ESF1: variants seen among roughly 807,000 people sequenced by gnomAD.
ESF1 encodes ESF1 nucleolar pre-rRNA processing protein, also known as ESF1 homolog.
ESF1 carries 58 observed loss-of-function variants against 92.0 expected under a neutral mutation model. The ratio of observed to expected loss-of-function variants is 0.63; its 90% CI spans 0.51 to 0.78. The LOEUF (loss-of-function observed/expected upper bound fraction) is 0.78. Among genes scored for constraint, ESF1 ranks in the 30% least tolerant of loss-of-function variants. The pLI is 0.00. For missense variants in ESF1, 922 were observed against 989.1 expected (o/e 0.93, Z 0.91); for synonymous variants, 321 against 313.7 (o/e 1.02, Z -0.24).
intron 11 of ESF1, among the ~76,000 whole-genome samples, chr20:13,722,352 G>A (rs1282818741): frequency 6.6e-6 from 1 of 152,110 alleles, no homozygotes; most frequent in Non-Finnish European, 1.5e-5. Flanking sequence ...ATTGTTTAGT[G>A]AAAAGATAAA....
rs1190860613 is a variant in ESF1 at position 13,748,557 on chromosome 20, T to C, written c.1828+11135A>G. On this transcript the variant is annotated intron_variant, in intron 9 of 13. Coordinates refer to ENST00000617257, the MANE Select transcript of ESF1 (RefSeq NM_001276380.2). ...ACATATATATGTGTGTGTATATATA[T>C]ATATATATGTGTGTGTGTATATATA... Among the ~76,000 whole-genome samples, 349 of 53,652 alleles carry C rather than the reference T, an allele frequency of 6.5e-3. 3 individuals are homozygous for C. Among genetic ancestry groups the C allele is most frequent in the African/African-American group, 0.025 (317 of 12,458 alleles). The allele number at this position is 53,652 out of a possible 152,430, so 35.2% of individuals were successfully genotyped here.
Position 13,766,821 on chromosome 20 carries a change from G to GCTA in ESF1, c.1619_1621dup (p.Leu540_Ala541insVal), listed in dbSNP as rs1446974221. ...CTCCTCTTCATCTTCACTAGAGGAA[G>GCTA]CTAAGTAGGCTTGAAAATCCATGTC... is the stretch of plus-strand genomic sequence containing the variant. On this transcript the variant is annotated inframe_insertion, in exon 8 of 14. Coordinates refer to ENST00000617257, the MANE Select transcript of ESF1 (RefSeq NM_001276380.2). 5 of 1,613,704 alleles carry GCTA rather than the reference G, an allele frequency of 3.1e-6. No homozygotes were observed. In the African/African-American group the frequency reaches 6.7e-5, roughly 22 times the overall value.
intron 13 of ESF1, 26 bp from the exon 14 acceptor site, chr20:13,715,193 T>G: frequency 7.0e-7 from 1 of 1,434,126 alleles, no homozygotes; most frequent in Middle Eastern, 2.5e-4. Flanking sequence ...AAAAAAAAAT[T>G]AATAAATTAA....
intron 9 of ESF1, among the ~76,000 whole-genome samples, chr20:13,757,785 C>A (rs887549175): frequency 9.2e-5 from 14 of 152,186 alleles, no homozygotes; most frequent in Non-Finnish European, 1.8e-4. Context: ...TACCTTACAA[C>A]TGGCATTATA....
chr20:13,784,885 G>T lies in ESF1; in HGVS notation c.-49C>A, dbSNP rs1980615355. 2 of 612,280 alleles carry T rather than the reference G, an allele frequency of 3.3e-6. No homozygotes were observed. The highest frequency in any genetic ancestry group is 2.0e-5 in the South Asian group (1 of 50,954). 37.9% of individuals were successfully genotyped at this position (612,280 alleles called of 1,614,324 possible). On this transcript the variant is annotated 5_prime_UTR_variant, in exon 1 of 14. Coordinates refer to ENST00000617257, the MANE Select transcript of ESF1 (RefSeq NM_001276380.2). ...TCCAGTCCATCCCCACTCACCGTCC[G>T]CAGTCCTACCAAGCCTCACGTGGGG...
In ESF1 at chr20:13,776,251, T is replaced by C. The variant is rs758479784; in HGVS notation, c.657A>G (p.Thr219=). The C allele has an allele frequency of 3.1e-6, 5 of 1,612,494 alleles. No individual in the cohort carries two copies. In the African/African-American group the frequency reaches 4.0e-5, roughly 13 times the overall value. Residue 219 remains threonine (T), a synonymous_variant, in exon 3 of 14, where the codon ACA becomes ACG. Transcript: ENST00000617257. ...AGTTTTCATAACCATCACTGTCTCT[T>C]GTCATTATGAGTTGAACCACTGCAA... ...EMQSVVQLIM[T]RDSDGYENST... is the part of the protein sequence containing the mutation.
chr20:13,721,130 AAAAAG>A (rs1211850586), intron 11 of ESF1, among the ~76,000 whole-genome samples: 4 of 152,350 alleles, frequency 2.6e-5, no homozygotes, highest in East Asian at 1.9e-4. Context: ...CTCGATAAAA[AAAAAG>A]AAAAGAAATG....
At chr20:13,772,079 A>G (rs371503415) in intron 5 of ESF1, among the ~76,000 whole-genome samples, 2 of 151,510 alleles carry the variant, frequency 1.3e-5, no homozygotes, top group East Asian at 3.9e-4. Flanking sequence ...ATTATTTTCT[A>G]TATTGCACCA....
chr20:13,766,986 A>G, intron 7 of ESF1, 62 bp from the exon 8 acceptor site: 4 of 1,529,154 alleles, frequency 2.6e-6, no homozygotes, highest in Non-Finnish European at 3.6e-6. Context: ...CAAACTTGTT[A>G]AAGAATATAT....
chr20:13,745,406 T>C (rs1426987930), intron 9 of ESF1, among the ~76,000 whole-genome samples: 1 of 152,236 alleles, frequency 6.6e-6, no homozygotes, highest in Non-Finnish European at 1.5e-5. Flanking sequence ...ATGAACCATA[T>C]ACACATATAT....
intron 11 of ESF1, among the ~76,000 whole-genome samples, chr20:13,722,950 C>T (rs925270885): frequency 4.6e-5 from 7 of 152,022 alleles, no homozygotes; most frequent in African/African-American, 7.2e-5. Context: ...ACAGAGACTC[C>T]GAGTCAGATA....
chr20:13,760,439 C>T (rs1372263185), intron 8 of ESF1, among the ~76,000 whole-genome samples: 46 of 146,860 alleles, frequency 3.1e-4, no homozygotes, highest in African/African-American at 1.1e-3. Flanking sequence ...CGCCTCTGCC[C>T]GGCCGCGACC....
chr20:13,715,290 T>C (rs2049816936), intron 13 of ESF1, 123 bp from the exon 14 acceptor site: 4 of 900,326 alleles, frequency 4.4e-6, no homozygotes, highest in Admixed American at 7.0e-5. Context: ...CAAACCTGAG[T>C]GTTTGTACTG....
intron 9 of ESF1, 104 bp downstream of exon 9, chr20:13,759,585 TATG>T: frequency 7.1e-7 from 1 of 1,418,088 alleles, no homozygotes; most frequent in Non-Finnish European, 9.3e-7. Flanking sequence ...TGTATGCAAA[TATG>T]ATGTTAAGGT....
chr20:13,756,983 A>G (rs762705341), intron 9 of ESF1, among the ~76,000 whole-genome samples: 38 of 151,374 alleles, frequency 2.5e-4, no homozygotes, highest in Non-Finnish European at 3.7e-4. Context: ...GATCTGTCCT[A>G]TTTTTTTTTC....
Position 13,715,089 on chromosome 20 carries a change from T to C in ESF1, c.2341A>G (p.Lys781Glu). Reference sequence around the variant, plus strand: ...ATTTTTTCCATAGCTTTTGTTTTCTTGAAATTGGGATCTGAGGGGTCCAAA... The same window carrying C: ...ATTTTTTCCATAGCTTTTGTTTTCTCGAAATTGGGATCTGAGGGGTCCAAA... ...FNLDPSDPNF[K>E]KTKAMEKILE... is the part of the protein sequence containing the mutation. Residue 781 changes from lysine (K) to glutamate (E), a missense_variant, in exon 14 of 14, where the codon AAG becomes GAG. Transcript: ENST00000617257. The C allele has an allele frequency of 6.2e-7, 1 of 1,613,930 alleles. No individual in the cohort carries two copies. The highest frequency in any genetic ancestry group is 8.5e-7 in the Non-Finnish European group (1 of 1,179,992).
chr20:13,745,104 T>C (rs1228092895), intron 9 of ESF1, among the ~76,000 whole-genome samples: 1 of 152,194 alleles, frequency 6.6e-6, no homozygotes, highest in East Asian at 1.9e-4. Flanking sequence ...AAAAGCCTGA[T>C]AATATCAGTT....
At position 13,772,407 on chromosome 20, in the gene ESF1, G is replaced by A. The variant is rs942919997; in HGVS notation, c.1250+108C>T. The A allele has an allele frequency of 1.0e-5, 8 of 777,048 alleles. No homozygotes were observed. In the Admixed American group the frequency reaches 1.1e-4, roughly 10 times the overall value. 48.1% of individuals were successfully genotyped at this position (777,048 alleles called of 1,614,324 possible). ...CTGTTTTGCAACCTGTTTTAACCACGAATGGCACAAGTATAAACTTTAGTT... is the reference window on the plus strand; with the variant it reads ...CTGTTTTGCAACCTGTTTTAACCACAAATGGCACAAGTATAAACTTTAGTT... On this transcript the variant is annotated intron_variant, in intron 5 of 13. Transcript: ENST00000617257.
At position 13,784,910 on chromosome 20, in the gene ESF1, G is replaced by A. The variant is rs1213875366; in HGVS notation, c.-74C>T. 10 of 666,214 alleles carry A rather than the reference G, an allele frequency of 1.5e-5. No individual in the cohort carries two copies. The highest frequency in any genetic ancestry group is 2.6e-5 in the Admixed American group (1 of 37,920). The allele number at this position is 666,214 out of a possible 1,614,324, so 41.3% of individuals were successfully genotyped here. A position where few individuals can be genotyped will look rare whatever the true frequency, so the allele number is the denominator to read the frequency against. On this transcript the variant is annotated 5_prime_UTR_variant, in exon 1 of 14. Coordinates refer to ENST00000617257, the MANE Select transcript of ESF1 (RefSeq NM_001276380.2). ...GCAGTCCTACCAAGCCTCACGTGGG[G>A]CTCACACCCACAATCCTCCGCGTGA...
Sources: gnomAD v4.1 joint callset for allele counts (sites outside exome capture counted in the v4.1 genomes callset) on GRCh38, gnomAD v4.1.1 for gene constraint, MANE v1.5 for transcripts, NCBI Gene and HGNC (gene_info 2026-07-23, HGNC 2026-07-21) for gene names.